BRD10: variants seen among roughly 807,000 people sequenced by gnomAD.
The protein encoded by BRD10 is bromodomain containing 10.
At chr9:5,905,273 A>T in the BRD10 span, among the ~76,000 whole-genome samples, 2 of 152,138 alleles carry the variant, frequency 1.3e-5, no homozygotes, top group Admixed American at 1.3e-4. Flanking sequence ...CCCCCTCTTC[A>T]CCAAGGGGAC....
chr9:5,881,369 T>C, the BRD10 span, among the ~76,000 whole-genome samples: 4 of 152,212 alleles, frequency 2.6e-5, no homozygotes, highest in African/African-American at 9.6e-5. Flanking sequence ...TTGGCCGCTA[T>C]GAAGGGAAGA....
At chr9:5,978,414 G>C in the BRD10 span, among the ~76,000 whole-genome samples, 4,877 of 147,480 alleles carry the variant, frequency 0.033, 272 homozygotes, top group African/African-American at 0.12. Flanking sequence ...AAAAAAAGGA[G>C]TTTTAAGAAA....
the BRD10 span, among the ~76,000 whole-genome samples, chr9:5,980,341 T>G: frequency 6.6e-6 from 1 of 152,188 alleles, no homozygotes; most frequent in Non-Finnish European, 1.5e-5. Context: ...CAAGCCTTTC[T>G]CAGTATTTAT....
the BRD10 span, chr9:5,921,341 G>A: frequency 6.2e-6 from 10 of 1,613,728 alleles, no homozygotes; most frequent in African/African-American, 2.7e-5. Context: ...CACTGTAGAC[G>A]GAATCAGTAC....
chr9:5,943,590 CATAACATAAATATTTG>C, the BRD10 span, among the ~76,000 whole-genome samples: 2 of 147,684 alleles, frequency 1.4e-5, no homozygotes, highest in Non-Finnish European at 3.0e-5. Context: ...ATGACATTTA[CATAACATAAATATTTG>C]AGGAATATAT....
chr9:5,979,867 T>C, the BRD10 span, among the ~76,000 whole-genome samples: 1 of 151,536 alleles, frequency 6.6e-6, no homozygotes, highest in Non-Finnish European at 1.5e-5. Context: ...AATACAAACA[T>C]TAGCTGGGCA....
chr9:5,879,807 T>A, the BRD10 span, among the ~76,000 whole-genome samples: 1 of 152,240 alleles, frequency 6.6e-6, no homozygotes, highest in Non-Finnish European at 1.5e-5. Flanking sequence ...GATAATGGAT[T>A]TATCCGACCT....
chr9:5,961,376 C>T, the BRD10 span, among the ~76,000 whole-genome samples: 1 of 151,978 alleles, frequency 6.6e-6, no homozygotes, highest in African/African-American at 2.4e-5. Flanking sequence ...ATTCTTTTTG[C>T]TTGTCTCTAT....
chr9:5,907,164 T>C, the BRD10 span: 3 of 393,306 alleles, frequency 7.6e-6, no homozygotes, highest in East Asian at 3.8e-5. Flanking sequence ...GTGTATTTTA[T>C]GAGAATAAAA....
At chr9:5,920,653 T>C in the BRD10 span, 52 of 1,613,890 alleles carry the variant, frequency 3.2e-5, no homozygotes, top group Middle Eastern at 1.6e-4. Flanking sequence ...AAGTCCGAGA[T>C]TGTCTTTTAG....
the BRD10 span, chr9:5,967,899 A>G: frequency 4.7e-6 from 3 of 639,036 alleles, no homozygotes; most frequent in Non-Finnish European, 8.0e-6. Context: ...TGACCCTCAA[A>G]TATACACGCA....
the BRD10 span, chr9:5,923,396 T>C: frequency 9.8e-7 from 1 of 1,016,382 alleles, no homozygotes; most frequent in Non-Finnish European, 1.4e-6. Flanking sequence ...AAGTCAATCT[T>C]TGAGCTGGCA....
chr9:6,007,601 T>C, the BRD10 span: 2 of 1,606,832 alleles, frequency 1.2e-6, no homozygotes, highest in African/African-American at 1.3e-5. Context: ...CCGATCACCA[T>C]CGCCTCCATC....
chr9:5,910,011 T>C, the BRD10 span: 1 of 152,188 alleles, frequency 6.6e-6, no homozygotes, highest in Non-Finnish European at 1.5e-5. Flanking sequence ...AGGATAACTA[T>C]AACAACGAAG....
the BRD10 span, among the ~76,000 whole-genome samples, chr9:5,888,561 C>T: frequency 1.3e-5 from 2 of 152,150 alleles, no homozygotes; most frequent in Non-Finnish European, 1.5e-5. Context: ...TTTGCAACAT[C>T]GACAATGCAT....
At chr9:5,939,102 A>C in the BRD10 span, among the ~76,000 whole-genome samples, 1 of 152,250 alleles carries the variant, frequency 6.6e-6, no homozygotes, top group South Asian at 2.1e-4. Context: ...GAATAGAATA[A>C]AATTTATTTT....
the BRD10 span, chr9:5,921,136 T>A: frequency 2.5e-6 from 4 of 1,613,960 alleles, no homozygotes; most frequent in Non-Finnish European, 3.4e-6. Flanking sequence ...AATTACCACT[T>A]GTTGACAATG....
chr9:5,996,170 T>C, the BRD10 span, among the ~76,000 whole-genome samples: 1 of 152,102 alleles, frequency 6.6e-6, no homozygotes, highest in Non-Finnish European at 1.5e-5. Context: ...TAAATACATA[T>C]ATAAAAATAA....
chr9:5,946,440 G>A, the BRD10 span, among the ~76,000 whole-genome samples: 1 of 152,040 alleles, frequency 6.6e-6, no homozygotes, highest in Admixed American at 6.6e-5. Flanking sequence ...TGATGGTCAA[G>A]CAGTGGACTG....
Sources: allele counts gnomAD v4.1 joint callset (sites outside exome capture counted in the v4.1 genomes callset), GRCh38; gene constraint gnomAD v4.1.1; transcripts MANE v1.5; gene names NCBI Gene and HGNC (gene_info 2026-07-23, HGNC 2026-07-21).